The following PIK3C3 variants were observed in gnomAD, a reference collection of about 807,000 sequenced individuals.
PIK3C3 encodes the protein phosphatidylinositol 3-kinase catalytic subunit type 3, also known as PI3-kinase type 3.
A neutral mutation model predicts 126.1 loss-of-function variants in PIK3C3; 95 were observed. That is an observed-to-expected ratio of 0.75 (90% CI 0.64 to 0.89). PIK3C3 has a LOEUF of 0.89. Ranked by LOEUF, PIK3C3 falls within the 40% of genes least tolerant of loss-of-function variation. The pLI, the probability that PIK3C3 is intolerant of heterozygous loss-of-function variation, is 0.00. For synonymous variants in PIK3C3, 374 were observed against 360.0 expected (o/e 1.04, Z -0.44); for missense variants, 829 against 1,063.2 (o/e 0.78, Z 3.06).
intron 10 of PIK3C3, among the ~76,000 whole-genome samples, chr18:42,010,878 A>G (rs1244011488): frequency 6.6e-6 from 1 of 152,224 alleles, no homozygotes; most frequent in Non-Finnish European, 1.5e-5. Flanking sequence ...AAATAATAAG[A>G]CTTGAAAGTC....
intron 6 of PIK3C3, 116 bp downstream of exon 6, chr18:41,990,670 T>C: frequency 8.1e-6 from 5 of 616,788 alleles, no homozygotes; most frequent in Non-Finnish European, 1.5e-5. Flanking sequence ...AGCAGACAGC[T>C]GTCAGCAGCA....
intron 10 of PIK3C3, 143 bp downstream of exon 10, chr18:42,004,684 C>T (rs1433230938): frequency 6.3e-6 from 4 of 631,050 alleles, no homozygotes; most frequent in African/African-American, 1.9e-5. Flanking sequence ...AGAGGATATA[C>T]TAGGTGTATT....
chr18:41,979,661 A>G (rs1394599234), intron 4 of PIK3C3, among the ~76,000 whole-genome samples: 1 of 152,104 alleles, frequency 6.6e-6, no homozygotes, highest in Non-Finnish European at 1.5e-5. Context: ...TTACGCTTTT[A>G]AGATTAGTAG....
intron 10 of PIK3C3, among the ~76,000 whole-genome samples, chr18:42,009,796 G>A (rs901993213): frequency 1.3e-5 from 2 of 151,684 alleles, no homozygotes; most frequent in Admixed American, 6.6e-5. Context: ...GTCTAGAAAA[G>A]CAATGTACAT....
rs183277779 is a variant in PIK3C3 at position 42,049,912 on chromosome 18, G to T, written c.2263+307G>T. On this transcript the variant is annotated intron_variant, in intron 21 of 24. Coordinates refer to ENST00000262039, the MANE Select transcript of PIK3C3 (RefSeq NM_002647.4). ...CGCTTGAACCCGGGAGGCGGAGGTT[G>T]CAGTGAGCCGAGATTGCACCATTGC... The T allele has an allele frequency of 2.1e-3, 402 of 187,602 alleles. 1 individual carries two copies. The highest frequency in any genetic ancestry group is 9.2e-3 in the African/African-American group (389 of 42,512). The allele number at this position is 187,602 out of a possible 1,614,324, so 11.6% of individuals were successfully genotyped here. A position where few individuals can be genotyped will look rare whatever the true frequency, so the allele number is the denominator to read the frequency against.
chr18:42,018,969 T>C (rs2144414749), intron 12 of PIK3C3, among the ~76,000 whole-genome samples: 1 of 152,226 alleles, frequency 6.6e-6, no homozygotes, highest in East Asian at 1.9e-4. Context: ...CCTAGACGTG[T>C]TGATCTTCCT....
chr18:42,060,443 T>A (rs992682363), intron 22 of PIK3C3, among the ~76,000 whole-genome samples: 1 of 152,172 alleles, frequency 6.6e-6, no homozygotes, highest in Non-Finnish European at 1.5e-5. Flanking sequence ...TCTTTTTACA[T>A]TTTTTGGTAA....
intron 21 of PIK3C3, among the ~76,000 whole-genome samples, chr18:42,054,152 A>ATATATC (rs1984940661): frequency 3.4e-5 from 1 of 29,838 alleles, no homozygotes; most frequent in African/African-American, 2.2e-4. Context: ...ATATATATAT[A>ATATATC]TATATATATA....
intron 12 of PIK3C3, among the ~76,000 whole-genome samples, chr18:42,018,923 G>T (rs180776649): frequency 1.5e-4 from 23 of 152,212 alleles, no homozygotes; most frequent in African/African-American, 5.3e-4. Context: ...ACAAACCTCA[G>T]ATGAGCACTC....
intron 21 of PIK3C3, among the ~76,000 whole-genome samples, chr18:42,056,825 C>CTATAG (rs766914539): frequency 4.6e-5 from 7 of 152,058 alleles, no homozygotes; most frequent in Non-Finnish European, 8.8e-5. Flanking sequence ...CCTTAAGAGA[C>CTATAG]TATAGGGATG....
chr18:42,049,558 T>C lies in PIK3C3; in HGVS notation c.2216T>C (p.Leu739Pro). 6.2e-7 allele frequency: 1 copy of C among 1,613,962 alleles called. No individual in the cohort carries two copies. Among genetic ancestry groups the C allele is most frequent in the Non-Finnish European group, 8.5e-7 (1 of 1,179,810 alleles). Residue 739 changes from leucine to proline, a missense_variant, in exon 21 of 25, where the codon CTT becomes CCT. Physicochemically the swap from Leu to Pro is moderately conservative, Grantham distance 98 (BLOSUM62 -3). Coordinates refer to ENST00000262039, the MANE Select transcript of PIK3C3 (RefSeq NM_002647.4). ...GGATATTGCGTGATCACCTATATACTTGGAGTTGGAGACAGGCACCTGGAT... is the reference window on the plus strand; with the variant it reads ...GGATATTGCGTGATCACCTATATACCTGGAGTTGGAGACAGGCACCTGGAT... ...CAGYCVITYI[L>P]GVGDRHLDNL...
At chr18:42,063,394 A>T (rs772620663) in intron 22 of PIK3C3, among the ~76,000 whole-genome samples, 2 of 152,234 alleles carry the variant, frequency 1.3e-5, no homozygotes, top group Non-Finnish European at 2.9e-5. Context: ...AATGAATAAA[A>T]TGATTACATG....
intron 15 of PIK3C3, among the ~76,000 whole-genome samples, chr18:42,030,841 GT>G (rs1438760419): frequency 1.3e-5 from 2 of 152,130 alleles, no homozygotes; most frequent in Non-Finnish European, 2.9e-5. Flanking sequence ...AAAGCAGTTT[GT>G]TTTAGTGCCA....
intron 24 of PIK3C3, among the ~76,000 whole-genome samples, chr18:42,069,406 A>G (rs1199594238): frequency 6.6e-6 from 1 of 152,244 alleles, no homozygotes; most frequent in African/African-American, 2.4e-5. Flanking sequence ...CAAACAAGGG[A>G]CAAAACCAAG....
chr18:41,990,313 T>G, intron 5 of PIK3C3, 146 bp from the exon 6 acceptor site: 1 of 610,838 alleles, frequency 1.6e-6, no homozygotes, highest in Non-Finnish European at 2.9e-6. Flanking sequence ...ACACACTACA[T>G]GTATATAATA....
intron 13 of PIK3C3, chr18:42,027,080 A>T (rs575267050): frequency 1.3e-5 from 2 of 156,134 alleles, no homozygotes; most frequent in East Asian, 3.8e-4. Flanking sequence ...ACAGATTATG[A>T]AAATAATAGT....
rs1168845750 is a variant in PIK3C3 at position 41,969,958 on chromosome 18, G to T, written c.402-369G>T. Among the ~76,000 whole-genome samples the T allele has an allele frequency of 2.0e-5, 3 of 152,148 alleles. No homozygotes were observed. In the East Asian group the frequency reaches 5.8e-4, roughly 29 times the overall value. ...ACAGTTATGTAATTATTTAAATTTT[G>T]ATTTTAGTCATTGTAAATGTGGCAT... On this transcript the variant is annotated intron_variant, in intron 3 of 24. Transcript: ENST00000262039.
rs1983037609 is a variant in PIK3C3 at position 42,015,567 on chromosome 18, G to T, written c.1416+1G>T. On this transcript the variant is annotated splice_donor_variant, in intron 12 of 24. Coordinates refer to ENST00000262039, the MANE Select transcript of PIK3C3 (RefSeq NM_002647.4). LOFTEE classifies it high-confidence loss of function. ...AGTTCCAGATGGCGAAAATCTGGAA[G>T]TGAGTACAAAGCTTTTCCAGCTTCC... 6.2e-7 allele frequency: 1 copy of T among 1,609,146 alleles called. No homozygotes were observed. Among genetic ancestry groups the T allele is most frequent in the African/African-American group, 1.3e-5 (1 of 74,800 alleles).
At chr18:42,043,597 G>C (rs1299550374) in intron 19 of PIK3C3, 136 bp from the exon 20 acceptor site, 1 of 540,850 alleles carries the variant, frequency 1.8e-6, no homozygotes, top group Non-Finnish European at 3.3e-6. Context: ...CAATTCTTTT[G>C]TTCAGTCAGC....
Sources: gnomAD v4.1 joint callset for allele counts (sites outside exome capture counted in the v4.1 genomes callset) on GRCh38, gnomAD v4.1.1 for gene constraint, MANE v1.5 for transcripts, NCBI Gene and HGNC (gene_info 2026-07-23, HGNC 2026-07-21) for gene names.